The following GBF1 variants were observed in gnomAD, a reference collection of about 807,000 sequenced individuals.
The protein encoded by GBF1 is golgi brefeldin A resistant guanine nucleotide exchange factor 1.
A neutral mutation model predicts 210.5 loss-of-function variants in GBF1; 114 were observed. The ratio of observed to expected loss-of-function variants is 0.54; its 90% CI spans 0.47 to 0.63. GBF1 has a LOEUF of 0.63. GBF1 is among the 30% of genes least tolerant of loss of function. The pLI, the probability that GBF1 is intolerant of heterozygous loss-of-function variation, is 0.00. For missense variants in GBF1, 1,851 were observed against 2,357.7 expected (o/e 0.79, Z 4.45); for synonymous variants, 850 against 889.2 (o/e 0.96, Z 0.78).
chr10:102,351,128 G>T (rs2058944408), intron 4 of GBF1, 128 bp from the exon 5 acceptor site: 1 of 564,944 alleles, frequency 1.8e-6, no homozygotes. Flanking sequence ...AAAATTCTCA[G>T]GTAGCTCAAG....
chr10:102,353,795 T>C (rs947221958), intron 8 of GBF1, 141 bp downstream of exon 8: 36 of 646,064 alleles, frequency 5.6e-5, no homozygotes, highest in Middle Eastern at 5.4e-4. Flanking sequence ...TCTCACTCCT[T>C]TCGTGAGAAA....
At chr10:102,268,042 C>T (rs2133240658) in intron 3 of GBF1, among the ~76,000 whole-genome samples, 1 of 152,240 alleles carries the variant, frequency 6.6e-6, no homozygotes, top group East Asian at 1.9e-4. Flanking sequence ...AAGGGTAGCT[C>T]CAAGAGGCCT....
intron 3 of GBF1, among the ~76,000 whole-genome samples, chr10:102,331,851 ATTT>A (rs869198412): frequency 2.3e-5 from 2 of 85,320 alleles, no homozygotes; most frequent in Non-Finnish European, 4.3e-5. Flanking sequence ...TACCTGGCTA[ATTT>A]TTTTTTTTTT....
At chr10:102,372,402 CT>C (rs1452182239) in intron 29 of GBF1, among the ~76,000 whole-genome samples, 1 of 151,836 alleles carries the variant, frequency 6.6e-6, no homozygotes, top group African/African-American at 2.4e-5. Flanking sequence ...GTAATCCCAG[CT>C]ACTCAGGAGG....
rs1263151407 is a variant in GBF1 at position 102,293,764 on chromosome 10, G to GTTTTTTTTTTTTTTTTTTTTTTTTTT, written c.163+33652_163+33653insTTTTTTTTTTTTTTTTTTTTTTTTTT. ...AAAATATTTTGTACAGCTGTAGTAT[G>GTTTTTTTTTTTTTTTTTTTTTTTTTT]TTTTGTGTTTTTTTTTTTTTTTTTT... On this transcript the variant is annotated intron_variant, in intron 3 of 39. Coordinates refer to ENST00000369983, the MANE Select transcript of GBF1 (RefSeq NM_001377137.1). Among the ~76,000 whole-genome samples, 49 of 50,898 alleles carry GTTTTTTTTTTTTTTTTTTTTTTTTTT rather than the reference G, an allele frequency of 9.6e-4. 18 individuals carry two copies. Among genetic ancestry groups the GTTTTTTTTTTTTTTTTTTTTTTTTTT allele is most frequent in the South Asian group, 2.0e-3 (2 of 1,020 alleles). The allele number at this position is 50,898 out of a possible 152,430, so 33.4% of individuals were successfully genotyped here. A position where few individuals can be genotyped will look rare whatever the true frequency, so the allele number is the denominator to read the frequency against.
At chr10:102,283,595 G>C (rs2075697696) in intron 3 of GBF1, among the ~76,000 whole-genome samples, 1 of 152,168 alleles carries the variant, frequency 6.6e-6, no homozygotes, top group African/African-American at 2.4e-5. Flanking sequence ...AACAGGTATT[G>C]AATACTAGAG....
intron 3 of GBF1, among the ~76,000 whole-genome samples, chr10:102,279,132 T>C (rs1231842963): frequency 6.6e-6 from 1 of 152,246 alleles, no homozygotes; most frequent in African/African-American, 2.4e-5. Context: ...TTTGTTTCTC[T>C]TCCTATAAGA....
At chr10:102,343,914 G>T in intron 3 of GBF1, 137 bp from the exon 4 acceptor site, 1 of 610,388 alleles carries the variant, frequency 1.6e-6, no homozygotes. Flanking sequence ...TCTGGGATTT[G>T]ATTCAAGGTA....
Position 102,368,727 on chromosome 10 carries a change from G to A in GBF1, c.2880-12G>A, listed in dbSNP as rs200471442. 37 of 1,595,364 alleles carry A rather than the reference G, an allele frequency of 2.3e-5. No homozygotes were observed. The East Asian group carries it at 4.9e-4, about 21-fold the overall frequency. On this transcript the variant is annotated splice_polypyrimidine_tract_variant and intron_variant, in intron 22 of 39. Coordinates refer to ENST00000369983, the MANE Select transcript of GBF1 (RefSeq NM_001377137.1). ...AGTGACTCTGTTTCTGGGATGGGGG[G>A]TAACATTACAGGAAGTGCGCCATGA... is the stretch of plus-strand genomic sequence containing the variant.
At chr10:102,280,815 C>T (rs2075412933) in intron 3 of GBF1, among the ~76,000 whole-genome samples, 1 of 152,144 alleles carries the variant, frequency 6.6e-6, no homozygotes, top group Non-Finnish European at 1.5e-5. Flanking sequence ...AGGAGTGCAG[C>T]TGGAAGTATA....
intron 3 of GBF1, among the ~76,000 whole-genome samples, chr10:102,300,403 A>G (rs910983778): frequency 6.6e-6 from 1 of 152,226 alleles, no homozygotes; most frequent in Admixed American, 6.5e-5. Flanking sequence ...ACAGCTAAAA[A>G]AAAAGTTAAG....
intron 3 of GBF1, among the ~76,000 whole-genome samples, chr10:102,299,704 C>A (rs966888435): frequency 3.3e-5 from 5 of 152,076 alleles, no homozygotes; most frequent in African/African-American, 1.2e-4. Flanking sequence ...ATCGCTTGAA[C>A]CCGGGAGGTG....
At chr10:102,305,181 G>A (rs1284005907) in intron 3 of GBF1, among the ~76,000 whole-genome samples, 3 of 109,438 alleles carry the variant, frequency 2.7e-5, no homozygotes, top group African/African-American at 6.0e-5. Context: ...AGATTTGTGT[G>A]TGTGTGTGTG....
intron 17 of GBF1, among the ~76,000 whole-genome samples, chr10:102,364,217 C>CTTTTTTTTTTTTTTT (rs1031275118): frequency 1.5e-5 from 1 of 66,940 alleles, no homozygotes; most frequent in Non-Finnish European, 2.8e-5. Context: ...CTTTGGATTT[C>CTTTTTTTTTTTTTTT]TTTTTTTTTT....
At chr10:102,254,361 C>T (rs2072037782) in intron 1 of GBF1, among the ~76,000 whole-genome samples, 1 of 151,896 alleles carries the variant, frequency 6.6e-6, no homozygotes, top group South Asian at 2.1e-4. Flanking sequence ...TGGCAAGACC[C>T]TATCTCTAAA....
chr10:102,230,724 C>A, the GBF1 span: 2 of 1,521,276 alleles, frequency 1.3e-6, no homozygotes, highest in Non-Finnish European at 1.8e-6. Flanking sequence ...AGGACACGGC[C>A]CCGGAGGACA....
chr10:102,323,685 C>T (rs144632011), intron 3 of GBF1, among the ~76,000 whole-genome samples: 9 of 151,608 alleles, frequency 5.9e-5, no homozygotes, highest in Admixed American at 2.0e-4. Context: ...GGATTACAGG[C>T]GTGAGCCACC....
intron 3 of GBF1, among the ~76,000 whole-genome samples, chr10:102,319,483 A>T (rs995420559): frequency 2.0e-5 from 3 of 152,106 alleles, no homozygotes; most frequent in African/African-American, 7.2e-5. Flanking sequence ...CTCAAATTCT[A>T]CAAGTTTTAA....
intron 28 of GBF1, 114 bp from the exon 29 acceptor site, chr10:102,370,593 C>G: frequency 7.7e-7 from 1 of 1,301,510 alleles, no homozygotes; most frequent in Non-Finnish European, 1.1e-6. Context: ...GAAGCTTACT[C>G]ATCATACCTG....
Sources: allele counts gnomAD v4.1 joint callset (sites outside exome capture counted in the v4.1 genomes callset), GRCh38; gene constraint gnomAD v4.1.1; transcripts MANE v1.5; gene names NCBI Gene and HGNC (gene_info 2026-07-23, HGNC 2026-07-21).